The following SPMIP7 variants were observed in gnomAD, a reference collection of about 807,000 sequenced individuals.
SPMIP7 encodes the protein protein SPMIP7.
the SPMIP7 span, among the ~76,000 whole-genome samples, chr7:50,151,048 T>C: frequency 6.6e-6 from 1 of 152,252 alleles, no homozygotes; most frequent in African/African-American, 2.4e-5. Flanking sequence ...TGTAAGAGTG[T>C]ATATTCATTA....
chr7:50,106,720 T>C, the SPMIP7 span, among the ~76,000 whole-genome samples: 1 of 152,178 alleles, frequency 6.6e-6, no homozygotes, highest in East Asian at 1.9e-4. Flanking sequence ...TGAGTCCATA[T>C]GTTGCAAATA....
At chr7:50,150,935 C>T in the SPMIP7 span, among the ~76,000 whole-genome samples, 1 of 152,116 alleles carries the variant, frequency 6.6e-6, no homozygotes. Context: ...TGCTGGTGTA[C>T]GTTTGTTTCC....
chr7:50,116,177 G>A, the SPMIP7 span, among the ~76,000 whole-genome samples: 5 of 152,096 alleles, frequency 3.3e-5, no homozygotes, highest in Admixed American at 6.6e-5. Flanking sequence ...GTGTAGTGGC[G>A]TGATCACAGC....
At chr7:50,123,700 C>G in the SPMIP7 span, among the ~76,000 whole-genome samples, 1 of 151,554 alleles carries the variant, frequency 6.6e-6, no homozygotes, top group African/African-American at 2.4e-5. Flanking sequence ...AGAGGAGTCA[C>G]TAAAACGCAA....
chr7:50,137,397 T>C, the SPMIP7 span, among the ~76,000 whole-genome samples: 1 of 152,180 alleles, frequency 6.6e-6, no homozygotes, highest in Non-Finnish European at 1.5e-5. Context: ...AGAGTCTTCC[T>C]TTAAATGGAT....
the SPMIP7 span, chr7:50,141,727 C>CT: frequency 6.2e-3 from 474 of 76,938 alleles, 39 homozygotes; most frequent in South Asian, 0.074. Flanking sequence ...AGAGGAATCA[C>CT]TTTTTTTTTT....
chr7:50,125,094 G>GTATATATATATATACATATA, the SPMIP7 span, among the ~76,000 whole-genome samples: 1 of 73,820 alleles, frequency 1.4e-5, no homozygotes. Context: ...GTGAGATTAA[G>GTATATATATATATACATATA]TATATATATA....
At chr7:50,105,355 A>G in the SPMIP7 span, among the ~76,000 whole-genome samples, 1 of 152,216 alleles carries the variant, frequency 6.6e-6, no homozygotes, top group African/African-American at 2.4e-5. Flanking sequence ...ATTCATTAGC[A>G]GTAAAGGTAT....
At chr7:50,111,098 G>C in the SPMIP7 span, among the ~76,000 whole-genome samples, 1 of 145,498 alleles carries the variant, frequency 6.9e-6, no homozygotes, top group Non-Finnish European at 1.5e-5. Flanking sequence ...TATTATATGT[G>C]TATATGTTAT....
chr7:50,096,525 C>G, the SPMIP7 span: 1 of 1,551,756 alleles, frequency 6.4e-7, no homozygotes, highest in Non-Finnish European at 8.7e-7. Flanking sequence ...AGACCAGACA[C>G]AGGATTTCAA....
the SPMIP7 span, among the ~76,000 whole-genome samples, chr7:50,125,814 G>A: frequency 2.0e-5 from 3 of 151,980 alleles, no homozygotes; most frequent in Admixed American, 2.0e-4. Context: ...GTGGTTTCCA[G>A]GAGCTGAGGG....
chr7:50,100,894 T>C, the SPMIP7 span, among the ~76,000 whole-genome samples: 1 of 151,820 alleles, frequency 6.6e-6, no homozygotes, highest in Non-Finnish European at 1.5e-5. Context: ...CCATTTCCTT[T>C]ATGATTTCTT....
chr7:50,100,988 G>A, the SPMIP7 span, among the ~76,000 whole-genome samples: 1 of 150,952 alleles, frequency 6.6e-6, no homozygotes, highest in African/African-American at 2.4e-5. Context: ...TTGATTTTTA[G>A]TTTCTTTTCA....
the SPMIP7 span, among the ~76,000 whole-genome samples, chr7:50,136,567 A>G: frequency 0.5 from 75,455 of 151,980 alleles, 19,372 homozygotes; most frequent in East Asian, 0.72. Flanking sequence ...TAAAATAGGG[A>G]GGGCTTTATA....
chr7:50,110,004 T>C, the SPMIP7 span, among the ~76,000 whole-genome samples: 2 of 152,164 alleles, frequency 1.3e-5, no homozygotes, highest in African/African-American at 4.8e-5. Context: ...AAGTAAGTTT[T>C]ACTGGATTTT....
chr7:50,151,595 A>T, the SPMIP7 span: 1 of 1,356,856 alleles, frequency 7.4e-7, no homozygotes, highest in South Asian at 1.3e-5. Flanking sequence ...GCTCAGATAC[A>T]TTAGGAGGGG....
chr7:50,145,618 GTATATATATATA>G, the SPMIP7 span, among the ~76,000 whole-genome samples: 18 of 27,700 alleles, frequency 6.5e-4, no homozygotes, highest in African/African-American at 1.6e-3. Flanking sequence ...ATATGTGTGT[GTATATATATATA>G]TATATATATA....
At chr7:50,107,386 G>GAAAAAA in the SPMIP7 span, among the ~76,000 whole-genome samples, 7 of 47,346 alleles carry the variant, frequency 1.5e-4, no homozygotes, top group South Asian at 9.6e-4. Context: ...AAAAAAAAAA[G>GAAAAAA]AAAAGAAAAG....
chr7:50,113,900 A>C, the SPMIP7 span, among the ~76,000 whole-genome samples: 1 of 152,270 alleles, frequency 6.6e-6, no homozygotes, highest in Non-Finnish European at 1.5e-5. Context: ...AACAGTGATA[A>C]AGATAAAATC....
Sources: gnomAD v4.1 joint callset for allele counts (sites outside exome capture counted in the v4.1 genomes callset) on GRCh38, gnomAD v4.1.1 for gene constraint, MANE v1.5 for transcripts, NCBI Gene and HGNC (gene_info 2026-07-23, HGNC 2026-07-21) for gene names.